Variants in PLEKHM1 observed in about 807,000 individuals in gnomAD.
PLEKHM1 encodes the protein pleckstrin homology and RUN domain containing M1.
In PLEKHM1, 28 loss-of-function variants were observed where a neutral mutation model predicts 94.3. That is an observed-to-expected ratio of 0.30 (90% CI 0.22 to 0.41). The LOEUF is 0.41. Ranked by LOEUF, PLEKHM1 falls within the 10% of genes least tolerant of loss-of-function variation. The pLI, the probability that PLEKHM1 is intolerant of heterozygous loss-of-function variation, is 1.00. For missense variants in PLEKHM1, 907 were observed against 1,358.6 expected, an observed-to-expected ratio of 0.67 and a Z score of 5.22; for synonymous variants, 424 against 581.2, an observed-to-expected ratio of 0.73 and a Z score of 3.89.
rs980039157 is a variant in PLEKHM1, at chr17:45,444,273, C to T, written c.2837+1197G>A. On this transcript the variant is annotated intron_variant, in intron 9 of 11. Coordinates refer to ENST00000430334, the MANE Select transcript of PLEKHM1 (RefSeq NM_014798.3). The surrounding 1 kb of genome is among the most constrained non-coding windows in gnomAD (Gnocchi z 5.0). The stretch of plus-strand genomic sequence containing the variant: ...GAAGCCCATTCTGGGCAGTAGGCAC[C>T]GGCAGGCTTCTCCGCCTGAGGTCTG... Among the ~76,000 whole-genome samples the T allele has an allele frequency of 2.0e-5, 3 of 152,192 alleles. No individual in the cohort carries two copies. The highest frequency in any genetic ancestry group is 4.8e-5 in the African/African-American group (2 of 41,438).
At chr17:45,469,902 G>A (rs1452268749) in intron 4 of PLEKHM1, among the ~76,000 whole-genome samples, 2 of 151,962 alleles carry the variant, frequency 1.3e-5, no homozygotes, top group African/African-American at 2.4e-5. Flanking sequence ...GTAAAACCCC[G>A]TCTCTACTAA....
rs980606958 is a variant in PLEKHM1 at position 45,451,432 on chromosome 17, C to A, written c.2498-669G>T. Among the ~76,000 whole-genome samples the A allele has an allele frequency of 1.2e-4, 18 of 152,154 alleles. 1 individual carries two copies. Among genetic ancestry groups the A allele is most frequent in the African/African-American group, 4.1e-4 (17 of 41,412 alleles). On this transcript the variant is annotated intron_variant, in intron 7 of 11. Transcript: ENST00000430334. ...AAAAAGCAGAGGCCCTGACTCAAAC[C>A]CTGAACATGTGCCCTAACTCCTCCA...
chr17:45,489,019 T>C (rs1038680785), intron 1 of PLEKHM1, among the ~76,000 whole-genome samples: 1 of 151,968 alleles, frequency 6.6e-6, no homozygotes, highest in Non-Finnish European at 1.5e-5. Flanking sequence ...TCAGAGAAAA[T>C]GTGTACCAAA....
intron 1 of PLEKHM1, among the ~76,000 whole-genome samples, chr17:45,486,240 AAATAATAAT>A (rs1261610793): frequency 1.1e-4 from 16 of 142,862 alleles, no homozygotes; most frequent in African/African-American, 3.8e-4. Flanking sequence ...TAAAATAAAA[AAATAATAAT>A]AATAATAATA....
intron 2 of PLEKHM1, among the ~76,000 whole-genome samples, chr17:45,479,360 A>C (rs2051862417): frequency 6.6e-6 from 1 of 152,118 alleles, no homozygotes; most frequent in Non-Finnish European, 1.5e-5. Flanking sequence ...TCTACTAAAA[A>C]TGCAAAAAAA....
intron 2 of PLEKHM1, among the ~76,000 whole-genome samples, chr17:45,480,746 CA>C (rs1437854527): frequency 2.0e-5 from 3 of 152,330 alleles, no homozygotes; most frequent in South Asian, 2.1e-4. Context: ...TAGCATGTAT[CA>C]GGACTTCATC....
At chr17:45,462,010 T>G (rs539044653) in intron 5 of PLEKHM1, among the ~76,000 whole-genome samples, 8 of 152,210 alleles carry the variant, frequency 5.3e-5, no homozygotes, top group Non-Finnish European at 1.0e-4. Context: ...CCAGCCCCAC[T>G]GTTTTGTTAA....
At chr17:45,451,112 C>G (rs1426251355) in intron 7 of PLEKHM1, among the ~76,000 whole-genome samples, 2 of 151,520 alleles carry the variant, frequency 1.3e-5, no homozygotes. Flanking sequence ...TGCCTGTGTC[C>G]GGTGTCCCCA....
intron 1 of PLEKHM1, among the ~76,000 whole-genome samples, chr17:45,484,533 A>G (rs1452991785): frequency 6.6e-6 from 1 of 152,272 alleles, no homozygotes; most frequent in South Asian, 2.1e-4. Flanking sequence ...TACATATATC[A>G]ATTTATGTCT....
At chr17:45,439,300 T>C (rs973753241) in intron 11 of PLEKHM1, among the ~76,000 whole-genome samples, 177 bp downstream of exon 11, 1 of 152,222 alleles carries the variant, frequency 6.6e-6, no homozygotes. Flanking sequence ...GAGCTGGCCA[T>C]GACTGCCCAG....
intron 4 of PLEKHM1, among the ~76,000 whole-genome samples, 153 bp from the exon 5 acceptor site, chr17:45,468,746 C>T (rs1309214308): frequency 6.6e-6 from 1 of 152,210 alleles, no homozygotes; most frequent in Non-Finnish European, 1.5e-5. Flanking sequence ...CTCACGCAGT[C>T]CTCCTCTGAC....
At position 45,453,722 on chromosome 17, in the gene PLEKHM1, C is replaced by G; in HGVS notation, c.2130G>C (p.Leu710=). Residue 710 remains leucine (L), a synonymous_variant, in exon 7 of 12, where the codon CTG becomes CTC. Coordinates refer to ENST00000430334, the MANE Select transcript of PLEKHM1 (RefSeq NM_014798.3). This position sits in a 1 kb window ranked among gnomAD's most constrained non-coding sequence, Gnocchi z 4.1. ...CATTGTTCCTGATGCGGAAACATTTCAGAGCCTCCAAGGACAGAGAAAATA... is the reference window on the plus strand; with the variant it reads ...CATTGTTCCTGATGCGGAAACATTTGAGAGCCTCCAAGGACAGAGAAAATA... ...PYIFSLSLEA[L]KCFRIRNNEK... is the part of the protein sequence containing the mutation. 6.2e-7 allele frequency: 1 copy of G among 1,613,848 alleles called. No homozygotes were observed.
rs768842050 is a variant in PLEKHM1 at position 45,475,639 on chromosome 17, A to G, written c.384T>C (p.Asp128=). 6.2e-6 allele frequency: 10 copies of G among 1,613,924 alleles called. No homozygotes were observed. In the East Asian group the frequency reaches 8.9e-5, roughly 14 times the overall value. ...CRAWLRLALN[D]GLMECYLKLL... ...GCTTCAGGTAGCACTCCATCAGGCC[A>G]TCGTTCAGGGCCAGCCGCAGCCATG... Residue 128 remains aspartate (D), a synonymous_variant, in exon 4 of 12, where the codon GAT becomes GAC. Transcript: ENST00000430334.
intron 7 of PLEKHM1, among the ~76,000 whole-genome samples, chr17:45,451,668 G>C (rs1356963718): frequency 1.3e-5 from 2 of 152,020 alleles, no homozygotes; most frequent in African/African-American, 4.8e-5. Flanking sequence ...ATACAACCCA[G>C]ATGCCAGTGG....
chr17:45,456,624 A>G (rs2050958222), intron 6 of PLEKHM1, among the ~76,000 whole-genome samples: 1 of 152,142 alleles, frequency 6.6e-6, no homozygotes, highest in Admixed American at 6.5e-5. Context: ...GACAAACCTA[A>G]CAGAAGCCAG....
rs1192655506 is a variant in PLEKHM1, at chr17:45,475,591, G to A, written c.432C>T (p.Arg144=). 1 of 1,613,988 alleles carries A rather than the reference G, an allele frequency of 6.2e-7. No homozygotes were observed. The highest frequency in any genetic ancestry group is 2.2e-5 in the East Asian group (1 of 44,870). Reference sequence around the variant, plus strand: ...CGGTGGGCTGGTAGTACTCATGCAAGCGGGCCTGCTCCTGCAGCAGCAGCT... The same window carrying A: ...CGGTGGGCTGGTAGTACTCATGCAAACGGGCCTGCTCCTGCAGCAGCAGCT... ...YLKLLLQEQA[R]LHEYYQPTAL... is the part of the protein sequence containing the mutation. Residue 144 remains arginine, a synonymous_variant, in exon 4 of 12, where the codon CGC becomes CGT. Transcript: ENST00000430334.
rs770453854 is a variant in PLEKHM1 at position 45,436,554 on chromosome 17, G to A, written c.*1304C>T. On this transcript the variant is annotated 3_prime_UTR_variant, in exon 12 of 12. Transcript: ENST00000430334. ...GCGCAGGTAAGACAGCTAGGACTGAGGGCCTGCTAGGTCCAGGAGAGGTGG... is the reference window on the plus strand; with the variant it reads ...GCGCAGGTAAGACAGCTAGGACTGAAGGCCTGCTAGGTCCAGGAGAGGTGG... 7.7e-5 allele frequency: 35 copies of A among 452,454 alleles called. 1 individual carries two copies. Among genetic ancestry groups the A allele is most frequent in the South Asian group, 5.1e-4 (33 of 64,420 alleles). 28.0% of individuals were successfully genotyped at this position (452,454 alleles called of 1,614,324 possible).
chr17:45,486,903 G>C (rs1303580715), intron 1 of PLEKHM1, among the ~76,000 whole-genome samples: 5 of 152,222 alleles, frequency 3.3e-5, no homozygotes, highest in African/African-American at 7.2e-5. Flanking sequence ...TCTCTTGACT[G>C]TGGGGACAGT....
intron 5 of PLEKHM1, among the ~76,000 whole-genome samples, chr17:45,462,223 G>A (rs1407706644): frequency 1.3e-5 from 2 of 152,180 alleles, no homozygotes; most frequent in Non-Finnish European, 2.9e-5. Flanking sequence ...ACTCCTCCAC[G>A]GGGCCTTCAG....
Sources: allele counts gnomAD v4.1 joint callset (sites outside exome capture counted in the v4.1 genomes callset), GRCh38; gene constraint gnomAD v4.1.1; non-coding constraint Gnocchi (gnomAD v3.1); transcripts MANE v1.5; gene names NCBI Gene and HGNC (gene_info 2026-07-23, HGNC 2026-07-21).